Variants in CUL3 observed in about 807,000 individuals in gnomAD.
CUL3 encodes the protein cullin-3.
In CUL3, 19 loss-of-function variants were observed where a neutral mutation model predicts 89.1. That is an observed-to-expected ratio of 0.21 (90% CI 0.15 to 0.31). CUL3 has a LOEUF of 0.31. Ranked by LOEUF, CUL3 falls within the 10% of genes least tolerant of loss-of-function variation. CUL3 has a pLI of 1.00. For synonymous variants in CUL3, 351 were observed against 308.4 expected, an observed-to-expected ratio of 1.14 and a Z score of -1.45; for missense variants, 469 against 942.3, an observed-to-expected ratio of 0.50 and a Z score of 6.58.
intron 1 of CUL3, chr2:224,563,009 C>T: frequency 3.6e-6 from 1 of 280,696 alleles, no homozygotes; most frequent in Non-Finnish European, 7.0e-6. Flanking sequence ...TTTAACACAG[C>T]CCAGAGCACA....
intron 1 of CUL3, among the ~76,000 whole-genome samples, chr2:224,579,900 T>C (rs1212712497): frequency 6.6e-6 from 1 of 152,212 alleles, no homozygotes; most frequent in Non-Finnish European, 1.5e-5. Flanking sequence ...TCTCCAATTC[T>C]AATCAAGCTC....
Position 224,575,626 on chromosome 2 carries a change from G to A in CUL3, c.66+9318C>T, listed in dbSNP as rs570412673. On this transcript the variant is annotated intron_variant, in intron 1 of 15. Transcript: ENST00000264414. ...ATGTATAATGCTTATTATGTGCCAA[G>A]CACTATTCTAAGAAGCTTTATATGT... 5.9e-5 allele frequency among the ~76,000 whole-genome samples: 9 copies of A among 152,248 alleles called. 2 individuals are homozygous for A. The highest frequency in any genetic ancestry group is 2.2e-4 in the African/African-American group (9 of 41,534).
chr2:224,576,369 C>T (rs1044236838), intron 1 of CUL3, among the ~76,000 whole-genome samples: 1 of 152,110 alleles, frequency 6.6e-6, no homozygotes, highest in Non-Finnish European at 1.5e-5. Flanking sequence ...GGGTCACTGA[C>T]AATTTCAACT....
At chr2:224,530,241 AAAAACAAAAC>A (rs567664957) in intron 3 of CUL3, among the ~76,000 whole-genome samples, 10 of 152,262 alleles carry the variant, frequency 6.6e-5, no homozygotes, top group South Asian at 4.1e-4. Context: ...TCCGTCTCAA[AAAAACAAAAC>A]AAAACAAAAC....
intron 2 of CUL3, among the ~76,000 whole-genome samples, chr2:224,553,548 CTGAA>C (rs1054756849): frequency 1.3e-5 from 2 of 152,172 alleles, no homozygotes; most frequent in Non-Finnish European, 2.9e-5. Context: ...TTGTTATGGA[CTGAA>C]TGTTTGTGTT....
At chr2:224,497,560 A>G (rs574065193) in intron 12 of CUL3, among the ~76,000 whole-genome samples, 193 bp downstream of exon 12, 2 of 152,306 alleles carry the variant, frequency 1.3e-5, no homozygotes, top group African/African-American at 2.4e-5. Flanking sequence ...TATAGTCTTC[A>G]TATTTTCAAA....
At position 224,488,361 on chromosome 2, in the gene CUL3, A is replaced by G. The variant is rs1052027117; in HGVS notation, c.1843-6283T>C. Among the ~76,000 whole-genome samples the G allele has an allele frequency of 9.8e-5, 15 of 152,306 alleles. No homozygotes were observed. The East Asian group carries it at 2.5e-3, about 25-fold the overall frequency. On this transcript the variant is annotated intron_variant, in intron 13 of 15. Coordinates refer to ENST00000264414, the MANE Select transcript of CUL3 (RefSeq NM_003590.5). ...GTTTTTTGAAAAGATTAAAAAATAG[A>G]TAAGACTGCTAACCAGACTAATAAA... is the stretch of plus-strand genomic sequence containing the variant.
Position 224,514,604 on chromosome 2 carries a change from A to C in CUL3, c.539+8T>G. ...CCAAAACCACAAGAGTAAAGAGAGA[A>C]ATTTTACCTGTCTACGACTTCTCCT... On this transcript the variant is annotated splice_region_variant and intron_variant, in intron 4 of 15. Coordinates refer to ENST00000264414, the MANE Select transcript of CUL3 (RefSeq NM_003590.5). 1 of 1,600,702 alleles carries C rather than the reference A, an allele frequency of 6.2e-7. No homozygotes were observed. The highest frequency in any genetic ancestry group is 8.5e-7 in the Non-Finnish European group (1 of 1,172,414).
intron 12 of CUL3, 23 bp from the exon 13 acceptor site, chr2:224,495,989 TAAAC>T: frequency 6.2e-7 from 1 of 1,608,990 alleles, no homozygotes; most frequent in South Asian, 1.1e-5. Flanking sequence ...TAAAAAAATA[TAAAC>T]AAAGACACAA....
At chr2:224,583,145 G>A (rs1574713209) in intron 1 of CUL3, among the ~76,000 whole-genome samples, 1 of 152,280 alleles carries the variant, frequency 6.6e-6, no homozygotes, top group South Asian at 2.1e-4. Flanking sequence ...TTGGGAGGCC[G>A]AGGTCGGTGA....
intron 3 of CUL3, among the ~76,000 whole-genome samples, chr2:224,531,318 C>A (rs907720449): frequency 6.6e-6 from 1 of 151,850 alleles, no homozygotes; most frequent in South Asian, 2.1e-4. Context: ...AAATTCCTGG[C>A]CTCAAGTAAT....
intron 1 of CUL3, among the ~76,000 whole-genome samples, chr2:224,579,942 T>G (rs1695395470): frequency 6.6e-6 from 1 of 152,140 alleles, no homozygotes. Flanking sequence ...CCCCAGACAG[T>G]AAAAATGGTA....
At chr2:224,500,631 T>C (rs1692349268) in intron 10 of CUL3, 144 bp from the exon 11 acceptor site, 3 of 635,178 alleles carry the variant, frequency 4.7e-6, no homozygotes, top group Non-Finnish European at 4.6e-6. Flanking sequence ...TCTTTTCTTT[T>C]TTTTTTTTTT....
At chr2:224,482,820 A>C (rs1185762270) in intron 13 of CUL3, among the ~76,000 whole-genome samples, 1 of 152,186 alleles carries the variant, frequency 6.6e-6, no homozygotes, top group Non-Finnish European at 1.5e-5. Context: ...TAGTCTCTAC[A>C]TGTCTATAGT....
intron 1 of CUL3, among the ~76,000 whole-genome samples, chr2:224,558,994 T>G (rs929630947): frequency 6.6e-6 from 1 of 151,152 alleles, no homozygotes; most frequent in Non-Finnish European, 1.5e-5. Context: ...AGGCAGAGCT[T>G]GCAGTGAGCC....
rs770427981 is a variant in CUL3 at position 224,514,407 on chromosome 2, G to A, written c.539+205C>T. On this transcript the variant is annotated intron_variant, in intron 4 of 15. Transcript: ENST00000264414. Reference sequence around the variant, plus strand: ...AAAAGCATATTAAATAAAAGCTTAGGATAGTCTCTTCTAAAAATATAAAAG... The same window carrying A: ...AAAAGCATATTAAATAAAAGCTTAGAATAGTCTCTTCTAAAAATATAAAAG... 2.0e-4 allele frequency among the ~76,000 whole-genome samples: 31 copies of A among 152,180 alleles called. 1 individual carries two copies. Among genetic ancestry groups the A allele is most frequent in the Admixed American group, 9.8e-4 (15 of 15,280 alleles).
intron 13 of CUL3, among the ~76,000 whole-genome samples, chr2:224,483,952 G>T (rs996797855): frequency 6.6e-5 from 10 of 152,106 alleles, no homozygotes; most frequent in Non-Finnish European, 1.2e-4. Context: ...CACTTTGGGA[G>T]ACCAAAGTAA....
rs2106203889 is a variant in CUL3 at position 224,506,124 on chromosome 2, C to T, written c.1038G>A (p.Leu346=). 1.3e-6 allele frequency: 2 copies of T among 1,575,806 alleles called. No homozygotes were observed. Among genetic ancestry groups the T allele is most frequent in the South Asian group, 1.2e-5 (1 of 82,748 alleles). The change falls in exon 8 of 16, where the codon TTG becomes TTA. Residue 346 remains leucine (L), a synonymous_variant. Transcript: ENST00000264414. Reference sequence around the variant, plus strand: ...AGCGATCGAACCTACTCTTCAGATCCAATAAGCCCTTAGAAATAAAAACAA... The same window carrying T: ...AGCGATCGAACCTACTCTTCAGATCTAATAAGCCCTTAGAAATAAAAACAA... ...KNPVDYIQGL[L]DLKSRFDRFL...
chr2:224,535,650 A>G lies in CUL3; in HGVS notation c.265-9T>C. On this transcript the variant is annotated splice_polypyrimidine_tract_variant and intron_variant, in intron 2 of 15. Transcript: ENST00000264414. ...AGTACATCTTCTCGCACCTAGTAAC[A>G]GAAGAGTTCATTAGTTTGCACACAC... is the stretch of plus-strand genomic sequence containing the variant. 1 of 1,574,830 alleles carries G rather than the reference A, an allele frequency of 6.3e-7. No individual in the cohort carries two copies. Among genetic ancestry groups the G allele is most frequent in the Non-Finnish European group, 8.7e-7 (1 of 1,144,546 alleles).
Sources: gnomAD v4.1 joint callset for allele counts (sites outside exome capture counted in the v4.1 genomes callset) on GRCh38, gnomAD v4.1.1 for gene constraint, MANE v1.5 for transcripts, NCBI Gene and HGNC (gene_info 2026-07-23, HGNC 2026-07-21) for gene names.